RGS17: variants seen among roughly 807,000 people sequenced by gnomAD.
RGS17 encodes regulator of G protein signaling 17, also known as regulator of G-protein signaling 17.
Under a neutral mutation model 25.5 loss-of-function variants are expected in RGS17, and 12 were observed. The observed-to-expected ratio is 0.47, with a 90% CI of 0.30 to 0.76. The LOEUF (loss-of-function observed/expected upper bound fraction) is 0.76, where lower values mean the gene tolerates loss of function less well. Ranked by LOEUF, RGS17 falls within the 30% of genes least tolerant of loss-of-function variation. The pLI is 0.07. For missense variants in RGS17, 196 were observed against 242.2 expected, an observed-to-expected ratio of 0.81 and a Z score of 1.27; for synonymous variants, 71 against 76.9, an observed-to-expected ratio of 0.92 and a Z score of 0.40.
intron 1 of RGS17, among the ~76,000 whole-genome samples, chr6:153,120,257 G>T (rs1777607136): frequency 6.6e-6 from 1 of 152,140 alleles, no homozygotes; most frequent in Admixed American, 6.5e-5. Flanking sequence ...CTAAACATCT[G>T]CAAGAATTCT....
At position 153,094,224 on chromosome 6, in the gene RGS17, T is replaced by C. The variant is rs937534284; in HGVS notation, c.-26+36900A>G. ...CTGGGTAGCCGGGACCACAGGCACA[T>C]ACCACCACGCCCGGCTAATTTTTGT... is the stretch of plus-strand genomic sequence containing the variant. On this transcript the variant is annotated intron_variant, in intron 1 of 4. Transcript: ENST00000206262. Among the ~76,000 whole-genome samples the C allele has an allele frequency of 6.6e-5, 10 of 151,940 alleles. No homozygotes were observed. The South Asian group carries it at 2.1e-3, about 32-fold the overall frequency.
intron 2 of RGS17, among the ~76,000 whole-genome samples, chr6:153,033,194 A>G (rs553130016): frequency 6.6e-6 from 1 of 152,212 alleles, no homozygotes; most frequent in Admixed American, 6.5e-5. Flanking sequence ...CTTTTTATCT[A>G]TATTCAATTT....
intron 3 of RGS17, among the ~76,000 whole-genome samples, 177 bp from the exon 4 acceptor site, chr6:153,024,673 T>C (rs1486834337): frequency 6.6e-6 from 1 of 152,190 alleles, no homozygotes; most frequent in East Asian, 1.9e-4. Flanking sequence ...CTACGTCAGT[T>C]ATTTCAGGGT....
In RGS17 at chr6:153,130,825, G is replaced by A. The variant is rs957093308; in HGVS notation, c.-26+299C>T. On this transcript the variant is annotated intron_variant, in intron 1 of 4. Coordinates refer to ENST00000206262, the MANE Select transcript of RGS17 (RefSeq NM_012419.5). The surrounding 1 kb of genome is among the most constrained non-coding windows in gnomAD (Gnocchi z 6.4). ...CTGGCCGAGCGTTCCCCGGCGGGCA[G>A]GACACTCGCCCGGTTCCCTGCAGCA... 2.0e-5 allele frequency among the ~76,000 whole-genome samples: 3 copies of A among 152,046 alleles called. No individual in the cohort carries two copies. The highest frequency in any genetic ancestry group is 2.9e-5 in the Non-Finnish European group (2 of 67,978).
chr6:153,067,558 A>G (rs1011351540), intron 1 of RGS17, among the ~76,000 whole-genome samples: 1 of 152,310 alleles, frequency 6.6e-6, no homozygotes, highest in East Asian at 1.9e-4. Flanking sequence ...ATCCCATTAC[A>G]ACAACCACAA....
intron 1 of RGS17, among the ~76,000 whole-genome samples, chr6:153,083,693 A>T (rs1038227643): frequency 5.9e-5 from 9 of 152,208 alleles, no homozygotes; most frequent in African/African-American, 2.2e-4. Context: ...AATGCAAGTA[A>T]AGTATTGCTA....
intron 4 of RGS17, among the ~76,000 whole-genome samples, chr6:153,023,158 A>C (rs1779263219): frequency 6.6e-6 from 1 of 152,178 alleles, no homozygotes; most frequent in South Asian, 2.1e-4. Flanking sequence ...CCAAACTTAG[A>C]GGTTAATAAA....
At chr6:153,108,563 T>C (rs991593566) in intron 1 of RGS17, among the ~76,000 whole-genome samples, 3 of 151,932 alleles carry the variant, frequency 2.0e-5, no homozygotes, top group Non-Finnish European at 2.9e-5. Flanking sequence ...TTTCCTTGAA[T>C]GAGAGAAGGC....
At chr6:153,077,873 T>C (rs1042241632) in intron 1 of RGS17, among the ~76,000 whole-genome samples, 7 of 100,114 alleles carry the variant, frequency 7.0e-5, no homozygotes, top group Non-Finnish European at 1.3e-4. Flanking sequence ...TTACAGTATC[T>C]TTTTTATTTT....
At chr6:153,110,604 G>T (rs1042030847) in intron 1 of RGS17, among the ~76,000 whole-genome samples, 5 of 152,186 alleles carry the variant, frequency 3.3e-5, no homozygotes, top group African/African-American at 1.2e-4. Context: ...CACTATATTA[G>T]TCTGTTTTCA....
At chr6:153,107,355 T>A (rs1445069504) in intron 1 of RGS17, among the ~76,000 whole-genome samples, 1 of 152,166 alleles carries the variant, frequency 6.6e-6, no homozygotes, top group African/African-American at 2.4e-5. Flanking sequence ...TAGTTTGGTA[T>A]TCATAATCAC....
At chr6:153,091,814 G>C (rs999776137) in intron 1 of RGS17, among the ~76,000 whole-genome samples, 1 of 152,072 alleles carries the variant, frequency 6.6e-6, no homozygotes, top group East Asian at 1.9e-4. Flanking sequence ...TGCCCAGCCG[G>C]CATACTTCAA....
rs569721464 is a variant in RGS17 at position 153,015,295 on chromosome 6, A to G, written c.445-3533T>C. 4.0e-4 allele frequency among the ~76,000 whole-genome samples: 61 copies of G among 152,230 alleles called. 1 individual carries two copies. Among genetic ancestry groups the G allele is most frequent in the Non-Finnish European group, 8.1e-4 (55 of 68,032 alleles). On this transcript the variant is annotated intron_variant, in intron 4 of 4. Transcript: ENST00000206262. ...GCAGGGTTTGAGAGGATTGACTCCTATTTTGAAAGAAGCTCTACTGTGGGT... is the reference window on the plus strand; with the variant it reads ...GCAGGGTTTGAGAGGATTGACTCCTGTTTTGAAAGAAGCTCTACTGTGGGT...
At chr6:153,057,044 G>C (rs1776571211) in intron 1 of RGS17, among the ~76,000 whole-genome samples, 1 of 152,050 alleles carries the variant, frequency 6.6e-6, no homozygotes, top group African/African-American at 2.4e-5. Context: ...AAAGCACAGT[G>C]TCAAGTCTGA....
chr6:153,116,980 G>A (rs1353920433), intron 1 of RGS17, among the ~76,000 whole-genome samples: 1 of 152,052 alleles, frequency 6.6e-6, no homozygotes, highest in African/African-American at 2.4e-5. Context: ...TGTAGATAAG[G>A]GGTTGATGGG....
chr6:153,130,044 C>T lies in RGS17; in HGVS notation c.-26+1080G>A, dbSNP rs1263247117. On this transcript the variant is annotated intron_variant, in intron 1 of 4. Coordinates refer to ENST00000206262, the MANE Select transcript of RGS17 (RefSeq NM_012419.5). The surrounding 1 kb of genome is among the most constrained non-coding windows in gnomAD (Gnocchi z 6.4). ...CGAGGCTGGCGCGGGCTGCCCGCGA[C>T]AAGGTGCCAGCAGCCTCGGGCTCGC... Among the ~76,000 whole-genome samples, 1 of 152,076 alleles carries T rather than the reference C, an allele frequency of 6.6e-6. No individual in the cohort carries two copies. The highest frequency in any genetic ancestry group is 1.5e-5 in the Non-Finnish European group (1 of 67,982).
Position 153,011,442 on chromosome 6 carries a change from C to A in RGS17, c.*132G>T. 1 of 634,136 alleles carries A rather than the reference C, an allele frequency of 1.6e-6. No individual in the cohort carries two copies. Among genetic ancestry groups the A allele is most frequent in the Middle Eastern group, 4.3e-4 (1 of 2,350 alleles). The allele number at this position is 634,136 out of a possible 1,614,324, so 39.3% of individuals were successfully genotyped here. On this transcript the variant is annotated 3_prime_UTR_variant, in exon 5 of 5. Transcript: ENST00000206262. ...CCTTGATAAAAATGGAGACAAAGAC[C>A]ATAACGGTTGTGTTTTCACAGTAGC...
intron 1 of RGS17, among the ~76,000 whole-genome samples, chr6:153,066,742 A>G (rs948701140): frequency 1.1e-4 from 16 of 152,140 alleles, no homozygotes; most frequent in African/African-American, 2.7e-4. Context: ...TGAAGGACAA[A>G]AAACATATGA....
At chr6:153,042,554 A>C (rs560498813) in intron 2 of RGS17, among the ~76,000 whole-genome samples, 54 of 152,330 alleles carry the variant, frequency 3.5e-4, no homozygotes, top group Non-Finnish European at 6.9e-4. Context: ...CTGTGAGTCC[A>C]TTAAACCTCT....
Sources: allele counts gnomAD v4.1 joint callset (sites outside exome capture counted in the v4.1 genomes callset), GRCh38; gene constraint gnomAD v4.1.1; non-coding constraint Gnocchi (gnomAD v3.1); transcripts MANE v1.5; gene names NCBI Gene and HGNC (gene_info 2026-07-23, HGNC 2026-07-21).